LUZP2: variants seen among roughly 807,000 people sequenced by gnomAD.
The protein encoded by LUZP2 is leucine zipper protein 2.
Under a neutral mutation model 51.6 loss-of-function variants are expected in LUZP2, and 52 were observed. That is an observed-to-expected ratio of 1.01 (90% CI 0.81 to 1.27). LUZP2 has a LOEUF of 1.27. Ranked by LOEUF, LUZP2 falls within the 50% of genes most tolerant of loss-of-function variation. LUZP2 has a pLI of 0.00. For missense variants in LUZP2, 436 were observed against 395.4 expected, an observed-to-expected ratio of 1.10 and a Z score of -0.87; for synonymous variants, 154 against 137.3, an observed-to-expected ratio of 1.12 and a Z score of -0.85.
At chr11:24,662,900 A>G (rs1565062253) in intron 1 of LUZP2, among the ~76,000 whole-genome samples, 1 of 151,092 alleles carries the variant, frequency 6.6e-6, no homozygotes, top group Non-Finnish European at 1.5e-5. Flanking sequence ...CCACATCAAG[A>G]TACAAGTGTG....
At chr11:24,783,245 C>A (rs1849142212) in intron 5 of LUZP2, among the ~76,000 whole-genome samples, 1 of 151,984 alleles carries the variant, frequency 6.6e-6, no homozygotes, top group Non-Finnish European at 1.5e-5. Context: ...TTGGATGTTA[C>A]AGCTCTCATA....
chr11:24,610,698 C>G (rs73433042), intron 1 of LUZP2, among the ~76,000 whole-genome samples: 391 of 152,280 alleles, frequency 2.6e-3, no homozygotes, highest in African/African-American at 9.1e-3. Flanking sequence ...ATAATCCCAG[C>G]ACTTTGGGAG....
At chr11:24,577,396 A>T (rs1429780507) in intron 1 of LUZP2, among the ~76,000 whole-genome samples, 1 of 152,116 alleles carries the variant, frequency 6.6e-6, no homozygotes, top group African/African-American at 2.4e-5. Context: ...TCTAGAAAAA[A>T]CAGTCCTTTC....
intron 5 of LUZP2, among the ~76,000 whole-genome samples, chr11:24,800,149 A>G (rs911558707): frequency 2.6e-5 from 4 of 151,998 alleles, no homozygotes; most frequent in African/African-American, 9.7e-5. Flanking sequence ...GGATGCTGGC[A>G]AGAGAGAATA....
chr11:24,695,341 A>G (rs770977034), intron 1 of LUZP2, among the ~76,000 whole-genome samples: 12 of 152,210 alleles, frequency 7.9e-5, no homozygotes, highest in Admixed American at 3.9e-4. Context: ...CATAATTGAC[A>G]TATAATAATT....
chr11:24,913,535 G>A (rs976945134), intron 6 of LUZP2, among the ~76,000 whole-genome samples: 2 of 152,062 alleles, frequency 1.3e-5, no homozygotes, highest in African/African-American at 4.8e-5. Context: ...ATATTGCAGT[G>A]TAATGCAATG....
At chr11:24,824,069 A>T (rs988243982) in intron 5 of LUZP2, among the ~76,000 whole-genome samples, 1 of 150,666 alleles carries the variant, frequency 6.6e-6, no homozygotes, top group Non-Finnish European at 1.5e-5. Context: ...TCTAAAAAAA[A>T]AGAGTGGTAC....
chr11:24,719,700 C>G (rs1236661876), intron 1 of LUZP2, among the ~76,000 whole-genome samples: 2 of 152,198 alleles, frequency 1.3e-5, no homozygotes, highest in African/African-American at 4.8e-5. Context: ...TTACCTGACT[C>G]TTGAATCTGG....
At chr11:24,507,121 C>G (rs1850166963) in intron 1 of LUZP2, among the ~76,000 whole-genome samples, 1 of 151,996 alleles carries the variant, frequency 6.6e-6, no homozygotes. Context: ...TTAGTTTCTC[C>G]AAGTATGCTC....
At chr11:24,778,632 C>T (rs1849007385) in intron 5 of LUZP2, among the ~76,000 whole-genome samples, 1 of 151,468 alleles carries the variant, frequency 6.6e-6, no homozygotes, top group Non-Finnish European at 1.5e-5. Context: ...AACAAACAAT[C>T]AATAAAGAAG....
intron 5 of LUZP2, among the ~76,000 whole-genome samples, chr11:24,897,269 T>G (rs1383931831): frequency 1.3e-5 from 2 of 151,952 alleles, no homozygotes; most frequent in Non-Finnish European, 2.9e-5. Flanking sequence ...AGGATGCAGG[T>G]GGGGTCAGAA....
chr11:24,684,921 C>T (rs969823267), intron 1 of LUZP2, among the ~76,000 whole-genome samples: 7 of 152,074 alleles, frequency 4.6e-5, no homozygotes, highest in South Asian at 2.1e-4. Flanking sequence ...TCCTGGATTT[C>T]GGTAGCTGGG....
intron 8 of LUZP2, among the ~76,000 whole-genome samples, chr11:24,982,527 C>T (rs1330353392): frequency 6.6e-6 from 1 of 151,600 alleles, no homozygotes; most frequent in Non-Finnish European, 1.5e-5. Flanking sequence ...TAAATACCCA[C>T]CACTCCCACA....
intron 1 of LUZP2, among the ~76,000 whole-genome samples, chr11:24,700,707 A>T (rs1311897531): frequency 1.3e-5 from 2 of 152,166 alleles, no homozygotes; most frequent in Admixed American, 6.5e-5. Flanking sequence ...TATTGATATA[A>T]TATTAAAATG....
chr11:24,804,872 CTT>C (rs1849806325), intron 5 of LUZP2, among the ~76,000 whole-genome samples: 1 of 152,044 alleles, frequency 6.6e-6, no homozygotes, highest in South Asian at 2.1e-4. Context: ...TGGAGTCTCA[CTT>C]TGTTGCCCAG....
intron 7 of LUZP2, among the ~76,000 whole-genome samples, chr11:24,972,452 AT>A (rs752554399): frequency 6.6e-6 from 1 of 152,094 alleles, no homozygotes; most frequent in African/African-American, 2.4e-5. Flanking sequence ...GCATGGGGAG[AT>A]TAAATATTTA....
intron 5 of LUZP2, among the ~76,000 whole-genome samples, chr11:24,769,559 T>G (rs548576214): frequency 1.3e-5 from 2 of 152,086 alleles, no homozygotes; most frequent in South Asian, 4.1e-4. Flanking sequence ...CTTAAAAAAT[T>G]TAAACTAGTT....
At chr11:24,717,407 T>C (rs1019932587) in intron 1 of LUZP2, among the ~76,000 whole-genome samples, 7 of 149,748 alleles carry the variant, frequency 4.7e-5, no homozygotes, top group Non-Finnish European at 8.9e-5. Flanking sequence ...TAGAACCCAA[T>C]AGTTTTTTTT....
At chr11:24,969,242 A>G (rs1157006990) in intron 7 of LUZP2, among the ~76,000 whole-genome samples, 1 of 152,136 alleles carries the variant, frequency 6.6e-6, no homozygotes, top group Non-Finnish European at 1.5e-5. Context: ...GCTCCCACTT[A>G]TAAGTGAGAA....
Sources: gnomAD v4.1 joint callset for allele counts (sites outside exome capture counted in the v4.1 genomes callset) on GRCh38, gnomAD v4.1.1 for gene constraint, MANE v1.5 for transcripts, NCBI Gene and HGNC (gene_info 2026-07-23, HGNC 2026-07-21) for gene names.